Variants in ENOSF1 observed in about 807,000 individuals in gnomAD.
ENOSF1 encodes enolase superfamily member 1, also known as mitochondrial enolase superfamily member 1.
In ENOSF1, 73 loss-of-function variants were observed where a neutral mutation model predicts 68.2. That is an observed-to-expected ratio of 1.07 (90% CI 0.89 to 1.30). ENOSF1 has a LOEUF of 1.30. Ranked by LOEUF, ENOSF1 falls within the 50% of genes most tolerant of loss-of-function variation. The pLI is 0.00. For missense variants in ENOSF1, 589 were observed against 554.5 expected (o/e 1.06, Z -0.62); for synonymous variants, 223 against 210.4 (o/e 1.06, Z -0.52).
chr18:697,180 G>T, intron 3 of ENOSF1, 60 bp downstream of exon 3: 1 of 1,113,202 alleles, frequency 9.0e-7, no homozygotes, highest in South Asian at 1.2e-5. Context: ...TGCACTCAAA[G>T]GACATCTCAG....
At position 673,395 on chromosome 18, in the gene ENOSF1, G is replaced by GGGAGCTGAGTAAC. The variant is rs1250626899; in HGVS notation, c.*897_*909dup. The GGGAGCTGAGTAAC allele has an allele frequency of 4.4e-6, 1 of 227,184 alleles. No homozygotes were observed. The highest frequency in any genetic ancestry group is 8.8e-6 in the Non-Finnish European group (1 of 113,932). The allele number at this position is 227,184 out of a possible 1,614,324, so 14.1% of individuals were successfully genotyped here. On this transcript the variant is annotated 3_prime_UTR_variant, in exon 16 of 16. Transcript: ENST00000647584. ...TCACAAGCTATTCCCTCAAATCTGA[G>GGGAGCTGAGTAAC]GGAGCTGAGTAACACCATCGATCAT...
chr18:711,576 G>A (rs1179625367), intron 1 of ENOSF1, among the ~76,000 whole-genome samples: 4 of 152,220 alleles, frequency 2.6e-5, no homozygotes, highest in African/African-American at 9.7e-5. Flanking sequence ...TGAGGACCCA[G>A]TGGGGAACAG....
chr18:686,001 C>G lies in ENOSF1; in HGVS notation c.661G>C (p.Val221Leu), dbSNP rs1348616560. 2 of 1,613,738 alleles carry G rather than the reference C, an allele frequency of 1.2e-6. No individual in the cohort carries two copies. Among genetic ancestry groups the G allele is most frequent in the Non-Finnish European group, 1.7e-6 (2 of 1,179,766 alleles). ...TCCTGGAGATCAGCACCCACCTTTACTTTAAACCTAGAAAATGCATTTGGT... is the reference window on the plus strand; with the variant it reads ...TCCTGGAGATCAGCACCCACCTTTAGTTTAAACCTAGAAAATGCATTTGGT... ...ALKDGWTRFKVKVGADLQDDM... is the reference protein window; with the variant it reads ...ALKDGWTRFKLKVGADLQDDM... The change falls in exon 10 of 16, where the codon GTA (valine) becomes CTA (leucine). Residue 221 changes from valine (V) to leucine (L), a missense_variant. Physicochemically the swap from Val to Leu is conservative, Grantham distance 32 (BLOSUM62 1). Transcript: ENST00000647584.
chr18:712,186 G>A (rs980869072), intron 1 of ENOSF1, among the ~76,000 whole-genome samples: 3 of 152,244 alleles, frequency 2.0e-5, no homozygotes, highest in Non-Finnish European at 2.9e-5. Flanking sequence ...ACCCAGGAGA[G>A]TGGAAAGTTT....
At chr18:664,251 T>G in the ENOSF1 span, among the ~76,000 whole-genome samples, 1 of 151,838 alleles carries the variant, frequency 6.6e-6, no homozygotes, top group African/African-American at 2.4e-5. Flanking sequence ...TAAGGTGGAT[T>G]CCTAGGTATT....
intron 2 of ENOSF1, among the ~76,000 whole-genome samples, chr18:697,885 C>T (rs183565921): frequency 7.2e-4 from 110 of 152,284 alleles, no homozygotes; most frequent in Non-Finnish European, 1.1e-3. Context: ...CCTTGACCTC[C>T]CCGGCTCAGG....
intron 9 of ENOSF1, chr18:686,327 T>C (rs572679482): frequency 9.5e-6 from 3 of 316,580 alleles, no homozygotes; most frequent in African/African-American, 4.3e-5. Flanking sequence ...AAAGCCACAG[T>C]GAGAACTGAA....
At chr18:694,412 C>T in intron 3 of ENOSF1, 78 bp from the exon 4 acceptor site, 1 of 1,386,000 alleles carries the variant, frequency 7.2e-7, no homozygotes, top group Non-Finnish European at 1.0e-6. Context: ...TGCCTGTAAA[C>T]CCAGGACTTT....
chr18:677,631 A>G, intron 13 of ENOSF1, 112 bp downstream of exon 13: 1 of 1,439,788 alleles, frequency 6.9e-7, no homozygotes, highest in African/African-American at 1.4e-5. Context: ...TTAGAAAAAA[A>G]TCGAAATGGC....
Position 672,382 on chromosome 18 carries a change from G to C in ENOSF1, c.*1923C>G, listed in dbSNP as rs1486229240. 1 of 153,170 alleles carries C rather than the reference G, an allele frequency of 6.5e-6. No homozygotes were observed. The highest frequency in any genetic ancestry group is 1.9e-4 in the East Asian group (1 of 5,226). 9.5% of individuals were successfully genotyped at this position (153,170 alleles called of 1,614,324 possible). A position where few individuals can be genotyped will look rare whatever the true frequency, so the allele number is the denominator to read the frequency against. On this transcript the variant is annotated 3_prime_UTR_variant, in exon 16 of 16. Coordinates refer to ENST00000647584, the MANE Select transcript of ENOSF1 (RefSeq NM_017512.7). ...CTGGTCGTTTTTAGACATAGTAATA[G>C]GTTGTGACCTGTCTTCACATCCTAA...
chr18:692,825 G>C, intron 5 of ENOSF1: 3 of 1,050,792 alleles, frequency 2.9e-6, no homozygotes, highest in Non-Finnish European at 3.5e-6. Context: ...GGATGGCCCG[G>C]AAGCCACTCT....
chr18:677,842 G>T lies in ENOSF1; in HGVS notation c.949C>A (p.Leu317Ile), dbSNP rs1322126981. 2 of 1,614,030 alleles carry T rather than the reference G, an allele frequency of 1.2e-6. No homozygotes were observed. Among genetic ancestry groups the T allele is most frequent in the Non-Finnish European group, 1.7e-6 (2 of 1,179,994 alleles). The change falls in exon 13 of 16, where the codon CTA becomes ATA. Residue 317 changes from leucine (L) to isoleucine (I), a missense_variant. Transcript: ENST00000647584. ...AGGAACTGCAGGGCCTTCGCCTGTAGGAGTTGCTTAAATATCACTCTATTG... is the reference window on the plus strand; with the variant it reads ...AGGAACTGCAGGGCCTTCGCCTGTATGAGTTGCTTAAATATCACTCTATTG... ...CHNRVIFKQL[L>I]QAKALQFLQI... is the part of the protein sequence containing the mutation.
At chr18:689,605 G>A (rs1379674018) in intron 8 of ENOSF1, among the ~76,000 whole-genome samples, 1 of 152,116 alleles carries the variant, frequency 6.6e-6, no homozygotes, top group Non-Finnish European at 1.5e-5. Flanking sequence ...GAGGTGAACA[G>A]GAAAGTATTA....
chr18:682,644 A>G (rs2076184370), intron 11 of ENOSF1, among the ~76,000 whole-genome samples: 1 of 149,866 alleles, frequency 6.7e-6, no homozygotes, highest in Admixed American at 6.7e-5. Context: ...CAAGGCGGGC[A>G]GATGGTCTGA....
In ENOSF1 at chr18:712,598, C is replaced by A; in HGVS notation, c.-11G>T. 2 of 1,533,686 alleles carry A rather than the reference C, an allele frequency of 1.3e-6. No homozygotes were observed. The highest frequency in any genetic ancestry group is 1.2e-5 in the South Asian group (1 of 83,802). On this transcript the variant is annotated 5_prime_UTR_variant, in exon 1 of 16. Coordinates refer to ENST00000647584, the MANE Select transcript of ENOSF1 (RefSeq NM_017512.7). The stretch of plus-strand genomic sequence containing the variant: ...CCTGCCGCGCACCATGGCCCCTGCG[C>A]CCCGTGGCCGCGGCCCCCGTGCGGT...
At chr18:699,227 T>A (rs924595535) in intron 2 of ENOSF1, among the ~76,000 whole-genome samples, 1 of 152,008 alleles carries the variant, frequency 6.6e-6, no homozygotes, top group East Asian at 1.9e-4. Context: ...TTTGGGAGGC[T>A]GAGGTGGGTG....
At position 670,580 on chromosome 18, in the gene ENOSF1, T is replaced by C. The variant is rs1177996677; in HGVS notation, c.*3725A>G. On this transcript the variant is annotated 3_prime_UTR_variant, in exon 16 of 16. Coordinates refer to ENST00000647584, the MANE Select transcript of ENOSF1 (RefSeq NM_017512.7). The stretch of plus-strand genomic sequence containing the variant: ...ATCACTGCAGCCCAGTGGCTCTCTC[T>C]CCTGGTCTCCACCATATGAGTTGGC... 4 of 1,187,284 alleles carry C rather than the reference T, an allele frequency of 3.4e-6. No individual in the cohort carries two copies. Among genetic ancestry groups the C allele is most frequent in the Non-Finnish European group, 3.6e-6 (3 of 833,574 alleles). 73.5% of individuals were successfully genotyped at this position (1,187,284 alleles called of 1,614,324 possible).
At position 670,642 on chromosome 18, in the gene ENOSF1, T is replaced by C; in HGVS notation, c.*3663A>G. The C allele has an allele frequency of 6.3e-7, 1 of 1,598,030 alleles. No individual in the cohort carries two copies. Among genetic ancestry groups the C allele is most frequent in the Non-Finnish European group, 8.6e-7 (1 of 1,169,414 alleles). On this transcript the variant is annotated 3_prime_UTR_variant, in exon 16 of 16. Transcript: ENST00000647584. ...TCCTGTTTTACTTTGCCTTTAGCTG[T>C]GGTCTTTCAAACCACCATCCCTCCT...
chr18:693,465 A>G (rs1175027395), intron 5 of ENOSF1: 1 of 985,258 alleles, frequency 1.0e-6, no homozygotes, highest in Non-Finnish European at 1.2e-6. Context: ...TTGAGCCACC[A>G]TGCCTGGCCT....
Sources: gnomAD v4.1 joint callset for allele counts (sites outside exome capture counted in the v4.1 genomes callset) on GRCh38, gnomAD v4.1.1 for gene constraint, MANE v1.5 for transcripts, NCBI Gene and HGNC (gene_info 2026-07-23, HGNC 2026-07-21) for gene names.